DUSP15: variants seen among roughly 807,000 people sequenced by gnomAD.
DUSP15 encodes dual specificity protein phosphatase 15.
In DUSP15, 23 loss-of-function variants were observed where a neutral mutation model predicts 26.3. The ratio of observed to expected loss-of-function variants is 0.87; its 90% CI spans 0.63 to 1.24. The LOEUF (loss-of-function observed/expected upper bound fraction) is 1.24. Among genes scored for constraint, DUSP15 ranks in the 50% most tolerant of loss-of-function variants. The pLI is 0.00. For missense variants in DUSP15, 364 were observed against 320.6 expected, an observed-to-expected ratio of 1.14 and a Z score of -1.03; for synonymous variants, 143 against 135.5, an observed-to-expected ratio of 1.06 and a Z score of -0.39.
Position 31,868,974 on chromosome 20 carries a change from A to G in DUSP15, c.55+590T>C, listed in dbSNP as rs6061004. 2.9e-3 allele frequency among the ~76,000 whole-genome samples: 435 copies of G among 152,138 alleles called. 2 individuals are homozygous for G. The highest frequency in any genetic ancestry group is 0.01 in the African/African-American group (417 of 41,494). ...AGCTTGCCGGCTCACCGCCCCCCCA[A>G]CTTCCAGCTCTAGGCTGCCCAGCTG... On this transcript the variant is annotated intron_variant, in intron 2 of 6. Coordinates refer to ENST00000339738, the MANE Select transcript of DUSP15 (RefSeq NM_080611.5).
At chr20:31,848,644 G>T in intron 9 of DUSP15, 1 of 1,474,190 alleles carries the variant, frequency 6.8e-7, no homozygotes, top group Non-Finnish European at 9.0e-7. Flanking sequence ...CACAGCCCTA[G>T]TTACAGCCCC....
Position 31,849,800 on chromosome 20 carries a change from CA to C in DUSP15, c.565del (p.Cys189ValfsTer3). Reference sequence around the variant, plus strand: ...GGCGGCCGCCCGCGGACTCAGACGACAGCGCTGGGCTGTGCGCCCGGTGGCT... The same window carrying C: ...GGCGGCCGCCCGCGGACTCAGACGACGCGCTGGGCTGTGCGCCCGGTGGCT... On this transcript the variant is annotated frameshift_variant, in exon 8 of 10. Transcript: ENST00000278979. LOFTEE classifies it high-confidence loss of function. 1 of 1,535,414 alleles carries C rather than the reference CA, an allele frequency of 6.5e-7. No homozygotes were observed. Among genetic ancestry groups the C allele is most frequent in the Non-Finnish European group, 8.7e-7 (1 of 1,148,634 alleles).
chr20:31,850,495 A>C, intron 7 of DUSP15: 1 of 1,060,044 alleles, frequency 9.4e-7, no homozygotes, highest in Non-Finnish European at 1.4e-6. Context: ...TGTTGTGGCT[A>C]TTATTGGGAG....
Position 31,864,167 on chromosome 20 carries a change from A to G in DUSP15, c.189-186T>C, listed in dbSNP as rs1034385830. Reference sequence around the variant, plus strand: ...GGAGGTGTGTTTGTGTGAAGCAAGAATGGTGGCATTTCAGGCAGTGAGAGA... The same window carrying G: ...GGAGGTGTGTTTGTGTGAAGCAAGAGTGGTGGCATTTCAGGCAGTGAGAGA... On this transcript the variant is annotated intron_variant, in intron 4 of 6. Transcript: ENST00000339738. The G allele has an allele frequency of 6.7e-5, 93 of 1,390,618 alleles. 1 individual carries two copies. The South Asian group carries it at 1.4e-3, about 21-fold the overall frequency. 86.1% of individuals were successfully genotyped at this position (1,390,618 alleles called of 1,614,324 possible). A position where few individuals can be genotyped will look rare whatever the true frequency, so the allele number is the denominator to read the frequency against.
downstream of DUSP15, among the ~76,000 whole-genome samples, chr20:31,859,809 G>T (rs540033264): frequency 6.6e-6 from 1 of 152,234 alleles, no homozygotes; most frequent in South Asian, 2.1e-4. Context: ...TAAATGGGGC[G>T]TCTGGCAGCA....
intron 3 of DUSP15, among the ~76,000 whole-genome samples, chr20:31,866,849 A>G (rs1234682220): frequency 6.6e-6 from 1 of 151,776 alleles, no homozygotes; most frequent in Non-Finnish European, 1.5e-5. Context: ...TCATACCCCA[A>G]CTCCTCAGCT....
chr20:31,867,235 C>A, intron 2 of DUSP15, 82 bp from the exon 3 acceptor site: 1 of 1,262,912 alleles, frequency 7.9e-7, no homozygotes, highest in South Asian at 1.3e-5. Flanking sequence ...ACTGCCTGCC[C>A]AGCTCTCCCT....
chr20:31,869,650 C>T, intron 1 of DUSP15, 53 bp from the exon 2 acceptor site: 1 of 1,605,482 alleles, frequency 6.2e-7, no homozygotes, highest in South Asian at 1.1e-5. Context: ...CCCCCTTCCA[C>T]CCCCAGGGCA....
chr20:31,854,158 G>A (rs2062520741), intron 6 of DUSP15, among the ~76,000 whole-genome samples: 1 of 149,454 alleles, frequency 6.7e-6, no homozygotes, highest in Admixed American at 6.6e-5. Flanking sequence ...CTGATGAATT[G>A]CACTCAATCA....
intron 6 of DUSP15, chr20:31,850,719 C>G (rs759450252): frequency 1.9e-6 from 3 of 1,590,588 alleles, no homozygotes; most frequent in Non-Finnish European, 2.6e-6. Flanking sequence ...CTCACCCTGA[C>G]CCCAGACCCA....
chr20:31,846,105 TACAGACACACAGAGACAC>T (rs1225280295), downstream of DUSP15, among the ~76,000 whole-genome samples: 3 of 115,088 alleles, frequency 2.6e-5, no homozygotes, highest in African/African-American at 1.3e-4. Context: ...GACATACACG[TACAGACACACAGAGACAC>T]ACAGACACAG....
downstream of DUSP15, among the ~76,000 whole-genome samples, chr20:31,858,282 C>T (rs1481467374): frequency 6.6e-6 from 1 of 152,212 alleles, no homozygotes; most frequent in Non-Finnish European, 1.5e-5. The surrounding 1 kb of genome is among the most constrained non-coding windows in gnomAD (Gnocchi z 4.4). Flanking sequence ...CCCCCCCAGT[C>T]CCAGAGGCAC....
At chr20:31,850,951 C>T (rs181517630) in intron 6 of DUSP15, among the ~76,000 whole-genome samples, 25 of 152,336 alleles carry the variant, frequency 1.6e-4, no homozygotes, top group African/African-American at 5.8e-4. Flanking sequence ...TGTGACTCCT[C>T]AGGAATTCCC....
In DUSP15 at chr20:31,862,701, T is replaced by A. The variant is rs144929635; in HGVS notation, c.305A>T (p.Tyr102Phe). The A allele has an allele frequency of 1.3e-3, 2,041 of 1,613,620 alleles. 5 individuals are homozygous for A. Among genetic ancestry groups the A allele is most frequent in the Non-Finnish European group, 1.6e-3 (1,848 of 1,179,654 alleles). Reference sequence around the variant, plus strand: ...GCCTAGCCCCGTCACAGTCATCACATACGCTGTCACAATCGTGGTGCTGCG... The same window carrying A: ...GCCTAGCCCCGTCACAGTCATCACAAACGCTGTCACAATCGTGGTGCTGCG... Reference protein sequence around the residue: ...ISRSTTIVTAYVMTVTGLGWR... With the variant: ...ISRSTTIVTAFVMTVTGLGWR... The change falls in exon 6 of 7, where the codon TAT becomes TTT. Residue 102 changes from tyrosine to phenylalanine, a missense_variant. Coordinates refer to ENST00000339738, the MANE Select transcript of DUSP15 (RefSeq NM_080611.5).
chr20:31,849,958 C>T lies in DUSP15; in HGVS notation c.492-84G>A, dbSNP rs185065101. 490 of 1,402,528 alleles carry T rather than the reference C, an allele frequency of 3.5e-4. 1 individual carries two copies. In the African/African-American group the frequency reaches 7.0e-3, roughly 20 times the overall value. The allele number at this position is 1,402,528 out of a possible 1,614,324, so 86.9% of individuals were successfully genotyped here. On this transcript the variant is annotated intron_variant, in intron 7 of 9. Coordinates refer to the DUSP15 transcript ENST00000278979. Reference sequence around the variant, plus strand: ...TCTTACCCTCCCCTTCAAACTCTGCCGGACCCAGAGGTCGTCCCAGCCTCT... The same window carrying T: ...TCTTACCCTCCCCTTCAAACTCTGCTGGACCCAGAGGTCGTCCCAGCCTCT...
Position 31,861,522 on chromosome 20 carries a change from C to G in DUSP15, c.589G>C (p.Val197Leu), listed in dbSNP as rs947310. The G allele has an allele frequency of 0.36, 553,510 of 1,521,336 alleles. 110,840 individuals are homozygous for G. Among genetic ancestry groups the G allele is most frequent in the African/African-American group, 0.71 (49,789 of 70,546 alleles). The allele number at this position is 1,521,336 out of a possible 1,614,324, so 94.2% of individuals were successfully genotyped here. The change falls in exon 7 of 7, where the codon GTG becomes CTG. Residue 197 changes from valine to leucine, a missense_variant. Transcript: ENST00000339738. ...GPHSAASEGT[V>L]QRLVPRTPRE... ...GGCGTGCGCGGCACCAGGCGCTGCA[C>G]GGTTCCCTCGGAGGCTGCTGAGTGC...
At chr20:31,864,929 A>G (rs774806800) in intron 4 of DUSP15, 24 bp downstream of exon 4, 4 of 1,611,612 alleles carry the variant, frequency 2.5e-6, no homozygotes, top group African/African-American at 1.3e-5. Context: ...CTGTCCATCT[A>G]TGGGTCCATC....
chr20:31,864,306 G>C, intron 4 of DUSP15: 1 of 1,119,694 alleles, frequency 8.9e-7, no homozygotes, highest in Non-Finnish European at 1.1e-6. Context: ...AAACACAGGG[G>C]TCCCACTCCT....
downstream of DUSP15, among the ~76,000 whole-genome samples, chr20:31,860,875 GAGA>G (rs1249790046): frequency 4.6e-5 from 7 of 152,334 alleles, 1 homozygote; most frequent in East Asian, 1.2e-3. Context: ...GGAGATGTTA[GAGA>G]AGGAGGTGGG....
Sources: gnomAD v4.1 joint callset for allele counts (sites outside exome capture counted in the v4.1 genomes callset) on GRCh38, gnomAD v4.1.1 for gene constraint, Gnocchi (gnomAD v3.1) non-coding constraint, MANE v1.5 for transcripts, NCBI Gene and HGNC (gene_info 2026-07-23, HGNC 2026-07-21) for gene names.